Variants in CALD1 observed in about 807,000 individuals in gnomAD.
CALD1 encodes caldesmon 1.
CALD1 carries 33 observed loss-of-function variants against 99.9 expected under a neutral mutation model. The ratio of observed to expected loss-of-function variants is 0.33; its 90% confidence interval spans 0.25 to 0.44. The LOEUF is 0.44. Among genes scored for constraint, CALD1 ranks in the 20% least tolerant of loss-of-function variants. The probability of loss-of-function intolerance (pLI) is 1.00; values close to 1 mark genes in which losing one functional copy is unlikely to be tolerated. For synonymous variants in CALD1, 310 were observed against 325.0 expected, an observed-to-expected ratio of 0.95 and a Z score of 0.50; for missense variants, 861 against 962.1, an observed-to-expected ratio of 0.89 and a Z score of 1.39.
intron 3 of CALD1, among the ~76,000 whole-genome samples, chr7:134,887,767 CGTGT>C (rs1024066200): frequency 6.7e-4 from 84 of 126,194 alleles, no homozygotes; most frequent in African/African-American, 2.6e-3. Flanking sequence ...TATGTGCCTG[CGTGT>C]GTATGTGTGT....
intron 2 of CALD1, among the ~76,000 whole-genome samples, chr7:134,852,414 T>C (rs959323369): frequency 1.3e-5 from 2 of 152,166 alleles, no homozygotes; most frequent in Non-Finnish European, 2.9e-5. Flanking sequence ...TGGAGCCATT[T>C]CACAGTGAGT....
intron 3 of CALD1, among the ~76,000 whole-genome samples, chr7:134,884,893 A>G (rs1801781146): frequency 6.6e-6 from 1 of 152,196 alleles, no homozygotes; most frequent in Non-Finnish European, 1.5e-5. Flanking sequence ...AACAATGAAC[A>G]AATAAGACTG....
the CALD1 span, among the ~76,000 whole-genome samples, chr7:134,712,046 A>G: frequency 0.018 from 665 of 36,866 alleles, 8 homozygotes; most frequent in Middle Eastern, 0.071. Flanking sequence ...AAGGAGGGAG[A>G]GAGGGAGGGA....
the CALD1 span, among the ~76,000 whole-genome samples, chr7:134,720,595 A>G: frequency 0.12 from 18,273 of 152,248 alleles, 1,343 homozygotes; most frequent in Non-Finnish European, 0.16. Context: ...CCATGGCAAC[A>G]TAAAGTAAAT....
intron 13 of CALD1, among the ~76,000 whole-genome samples, chr7:134,963,605 A>G (rs991205773): frequency 6.6e-6 from 1 of 152,244 alleles, no homozygotes; most frequent in Admixed American, 6.5e-5. Context: ...TACTAATATA[A>G]GCAAATGCTG....
At chr7:134,714,794 G>T in the CALD1 span, among the ~76,000 whole-genome samples, 1 of 152,188 alleles carries the variant, frequency 6.6e-6, no homozygotes, top group African/African-American at 2.4e-5. Context: ...GTGGAAAGGG[G>T]TGATAACTTC....
Position 134,843,991 on chromosome 7 carries a change from T to G in CALD1, c.-42+20T>G, listed in dbSNP as rs1309340381. 1 of 152,334 alleles carries G rather than the reference T, an allele frequency of 6.6e-6. No individual in the cohort carries two copies. Among genetic ancestry groups the G allele is most frequent in the South Asian group, 2.1e-4 (1 of 4,830 alleles). The allele number at this position is 152,334 out of a possible 1,614,324, so 9.4% of individuals were successfully genotyped here. A position where few individuals can be genotyped will look rare whatever the true frequency, so the allele number is the denominator to read the frequency against. Reference sequence around the variant, plus strand: ...TGACCTGTGAGTAAAGTTTATGTTTTATTAATACTTTGGGCTCTGCTCTTA... The same window carrying G: ...TGACCTGTGAGTAAAGTTTATGTTTGATTAATACTTTGGGCTCTGCTCTTA... On this transcript the variant is annotated intron_variant, in intron 2 of 14. Transcript: ENST00000361675.
At chr7:134,898,798 G>A (rs1280276188) in intron 3 of CALD1, among the ~76,000 whole-genome samples, 4 of 152,152 alleles carry the variant, frequency 2.6e-5, no homozygotes, top group South Asian at 2.1e-4. Flanking sequence ...CAGGTGATCC[G>A]CCAACCTCAG....
chr7:134,908,778 T>A (rs1205961772), intron 3 of CALD1, among the ~76,000 whole-genome samples: 1 of 152,110 alleles, frequency 6.6e-6, no homozygotes, highest in African/African-American at 2.4e-5. Flanking sequence ...GCCAGGCAGT[T>A]TTTCTTCCTG....
At chr7:134,745,280 A>C (rs1585894945) in intron 1 of CALD1, among the ~76,000 whole-genome samples, 1 of 152,326 alleles carries the variant, frequency 6.6e-6, no homozygotes. Flanking sequence ...TTTGGTCAGA[A>C]TTAGTTGACT....
At chr7:134,814,099 T>G (rs1798464801) in intron 1 of CALD1, among the ~76,000 whole-genome samples, 1 of 152,128 alleles carries the variant, frequency 6.6e-6, no homozygotes, top group East Asian at 1.9e-4. Context: ...AGGAAATGAC[T>G]GCAACAAGGA....
rs577648176 is a variant in CALD1, at chr7:134,953,460, G to A, written c.1935+2946G>A. Among the ~76,000 whole-genome samples the A allele has an allele frequency of 1.1e-4, 17 of 151,886 alleles. No individual in the cohort carries two copies. In the East Asian group the frequency reaches 3.1e-3, roughly 28 times the overall value. On this transcript the variant is annotated intron_variant, in intron 9 of 14. Transcript: ENST00000361675. ...GCCTGTAATCCCAGCTACTTGAGAG[G>A]CTGAGGCAGAAGAACTGCTTGAACC...
intron 1 of CALD1, among the ~76,000 whole-genome samples, chr7:134,796,147 T>C (rs1003076465): frequency 2.0e-5 from 3 of 152,208 alleles, no homozygotes; most frequent in African/African-American, 7.2e-5. Flanking sequence ...TCTTATATTT[T>C]GTAGGAGCCC....
At chr7:134,878,141 G>C (rs1005662232) in intron 3 of CALD1, among the ~76,000 whole-genome samples, 3 of 152,120 alleles carry the variant, frequency 2.0e-5, no homozygotes. Flanking sequence ...TTTGAAATGA[G>C]ATCATACGAA....
At chr7:134,831,684 T>C (rs1316631206) in intron 1 of CALD1, among the ~76,000 whole-genome samples, 2 of 152,180 alleles carry the variant, frequency 1.3e-5, no homozygotes, top group East Asian at 1.9e-4. Context: ...ATAAAATGTA[T>C]ATCTATATAG....
chr7:134,930,951 T>C (rs1805477678), intron 4 of CALD1, among the ~76,000 whole-genome samples: 2 of 152,222 alleles, frequency 1.3e-5, no homozygotes, highest in African/African-American at 2.4e-5. Flanking sequence ...TGAATCTTGT[T>C]ATTAATGAGT....
At chr7:134,840,664 A>G (rs898392525) in intron 1 of CALD1, among the ~76,000 whole-genome samples, 1 of 151,846 alleles carries the variant, frequency 6.6e-6, no homozygotes, top group Non-Finnish European at 1.5e-5. Flanking sequence ...AGAAAATGTC[A>G]GTGTTGGCAG....
chr7:134,855,883 T>C (rs1277439488), intron 2 of CALD1, among the ~76,000 whole-genome samples: 1 of 152,196 alleles, frequency 6.6e-6, no homozygotes, highest in Non-Finnish European at 1.5e-5. Flanking sequence ...ATGTTTTAAT[T>C]TGACAAGCTA....
chr7:134,946,596 G>A (rs1357216508), intron 7 of CALD1, among the ~76,000 whole-genome samples: 1 of 151,800 alleles, frequency 6.6e-6, no homozygotes, highest in Non-Finnish European at 1.5e-5. Context: ...TATGATTTCC[G>A]TGATTGGCTT....
Sources: allele counts gnomAD v4.1 joint callset (sites outside exome capture counted in the v4.1 genomes callset), GRCh38; gene constraint gnomAD v4.1.1; transcripts MANE v1.5; gene names NCBI Gene and HGNC (gene_info 2026-07-23, HGNC 2026-07-21).